The following MEP1A variants were observed in gnomAD, a reference collection of about 807,000 sequenced individuals.
MEP1A encodes meprin A subunit alpha.
MEP1A carries 68 observed loss-of-function variants against 84.5 expected under a neutral mutation model. That is an observed-to-expected ratio of 0.80 (90% confidence interval 0.66 to 0.98). The LOEUF (loss-of-function observed/expected upper bound fraction) is 0.98, where lower values mean the gene tolerates loss of function less well. Ranked by LOEUF, MEP1A falls within the 50% of genes least tolerant of loss-of-function variation. The pLI, the probability that MEP1A is intolerant of heterozygous loss-of-function variation, is 0.00. For missense variants in MEP1A, 887 were observed against 919.9 expected (o/e 0.96, Z 0.46); for synonymous variants, 337 against 336.8 (o/e 1.00, Z -0.01).
downstream of MEP1A, among the ~76,000 whole-genome samples, chr6:46,843,872 C>A (rs1304697242): frequency 2.0e-5 from 3 of 152,152 alleles, no homozygotes; most frequent in Non-Finnish European, 1.5e-5. Flanking sequence ...AGGCTAAGTG[C>A]CTTAGGCAGG....
chr6:46,829,965 A>G (rs376356159), intron 10 of MEP1A, among the ~76,000 whole-genome samples: 39 of 152,120 alleles, frequency 2.6e-4, no homozygotes, highest in African/African-American at 8.9e-4. Flanking sequence ...GAGAGTAGTT[A>G]AATAGTTGAC....
At chr6:46,826,624 G>A in intron 9 of MEP1A, 121 bp downstream of exon 9, 2 of 822,498 alleles carry the variant, frequency 2.4e-6, no homozygotes, top group Non-Finnish European at 1.7e-6. Context: ...TCTGAACAAG[G>A]ACAAAAAACA....
At chr6:46,828,963 A>G (rs1323864364) in intron 9 of MEP1A, among the ~76,000 whole-genome samples, 6 of 152,224 alleles carry the variant, frequency 3.9e-5, no homozygotes. Context: ...AGTGTCTTAT[A>G]CAACAACCAG....
intron 6 of MEP1A, among the ~76,000 whole-genome samples, chr6:46,814,519 T>C (rs953302660): frequency 6.6e-6 from 1 of 152,206 alleles, no homozygotes; most frequent in East Asian, 1.9e-4. Flanking sequence ...ATTGGCTTAA[T>C]AACTGACCTT....
intron 8 of MEP1A, 105 bp from the exon 9 acceptor site, chr6:46,826,249 T>C: frequency 9.8e-7 from 1 of 1,015,516 alleles, no homozygotes. Context: ...AACAAGCTTG[T>C]GATCCTGTCA....
intron 7 of MEP1A, 48 bp downstream of exon 7, chr6:46,819,752 A>G: frequency 6.3e-7 from 1 of 1,582,460 alleles, no homozygotes; most frequent in Non-Finnish European, 8.6e-7. Context: ...GGCTGAGACC[A>G]ATCCTGAGAT....
chr6:46,829,657 C>CCTCCTTCTT, intron 10 of MEP1A, 86 bp downstream of exon 10: 1 of 934,074 alleles, frequency 1.1e-6, no homozygotes, highest in East Asian at 2.4e-5. Flanking sequence ...TCCTCCTACT[C>CCTCCTTCTT]CTCCTTCTTC....
At chr6:46,807,823 GAAAGAAAGAAAGA>G (rs1562107127) in intron 5 of MEP1A, among the ~76,000 whole-genome samples, 7 of 149,126 alleles carry the variant, frequency 4.7e-5, no homozygotes, top group South Asian at 2.1e-4. Context: ...AAGAAAGAAA[GAAAGAAAGAAAGA>G]AAGGAAGAAA....
chr6:46,801,670 T>A (rs1220181486), intron 5 of MEP1A, among the ~76,000 whole-genome samples: 2 of 152,120 alleles, frequency 1.3e-5, no homozygotes, highest in Non-Finnish European at 2.9e-5. Context: ...TGTTTTTATA[T>A]TCTAAGAAAT....
intron 11 of MEP1A, among the ~76,000 whole-genome samples, chr6:46,833,770 G>T (rs545743931): frequency 2.8e-4 from 43 of 152,122 alleles, no homozygotes; most frequent in African/African-American, 1.0e-3. Context: ...TGCCAAAGTC[G>T]GTGCTAGGTA....
At chr6:46,826,571 C>A in intron 9 of MEP1A, 68 bp downstream of exon 9, 2 of 1,289,586 alleles carry the variant, frequency 1.6e-6, no homozygotes, top group South Asian at 5.3e-5. Context: ...TGCCAGCCAC[C>A]ATGTTTTGCC....
chr6:46,840,450 C>A (rs1489342319), downstream of MEP1A, among the ~76,000 whole-genome samples: 1 of 152,128 alleles, frequency 6.6e-6, no homozygotes, highest in Admixed American at 6.6e-5. Context: ...GTGCCAGAAT[C>A]TAGTAGGTTT....
intron 5 of MEP1A, among the ~76,000 whole-genome samples, chr6:46,804,625 T>C (rs2150742223): frequency 6.6e-6 from 1 of 151,834 alleles, no homozygotes; most frequent in South Asian, 2.1e-4. Flanking sequence ...TATAGTTCCC[T>C]TTTACATAAA....
At chr6:46,820,869 A>G (rs916140916) in intron 7 of MEP1A, among the ~76,000 whole-genome samples, 4 of 152,306 alleles carry the variant, frequency 2.6e-5, no homozygotes, top group Admixed American at 1.3e-4. Context: ...TTTTGGCAGT[A>G]AGAGATTAAT....
intron 7 of MEP1A, among the ~76,000 whole-genome samples, chr6:46,825,000 A>C (rs1388145296): frequency 1.3e-5 from 1 of 75,380 alleles, no homozygotes; most frequent in Non-Finnish European, 3.3e-5. Context: ...AAATAGATCT[A>C]TTTAAGTATA....
At chr6:46,822,833 C>T (rs1021878855) in intron 7 of MEP1A, among the ~76,000 whole-genome samples, 2 of 152,210 alleles carry the variant, frequency 1.3e-5, no homozygotes, top group African/African-American at 4.8e-5. Context: ...GTGTGAACCA[C>T]CGTGCCCAGC....
chr6:46,808,366 G>T (rs770577619), intron 5 of MEP1A, among the ~76,000 whole-genome samples: 23 of 151,934 alleles, frequency 1.5e-4, no homozygotes, highest in Non-Finnish European at 2.6e-4. Context: ...TGACATTTAG[G>T]CTGTGGAGTC....
At chr6:46,818,940 A>G (rs1279850966) in intron 6 of MEP1A, among the ~76,000 whole-genome samples, 1 of 152,108 alleles carries the variant, frequency 6.6e-6, no homozygotes, top group East Asian at 1.9e-4. Flanking sequence ...AGGCTGGGCA[A>G]CATGGCAAAA....
At chr6:46,796,017 C>T (rs536578090) in intron 3 of MEP1A, among the ~76,000 whole-genome samples, 4 of 152,216 alleles carry the variant, frequency 2.6e-5, no homozygotes, top group African/African-American at 9.6e-5. Context: ...GTCAATCTGC[C>T]CCTGACTACT....
Sources: gnomAD v4.1 joint callset for allele counts (sites outside exome capture counted in the v4.1 genomes callset) on GRCh38, gnomAD v4.1.1 for gene constraint, MANE v1.5 for transcripts, NCBI Gene and HGNC (gene_info 2026-07-23, HGNC 2026-07-21) for gene names.